SYT14: variants seen among roughly 807,000 people sequenced by gnomAD.
The protein encoded by SYT14 is synaptotagmin 14, also known as synaptotagmin-14.
SYT14 carries 32 observed loss-of-function variants against 74.2 expected under a neutral mutation model. The observed-to-expected ratio is 0.43, with a 90% CI of 0.33 to 0.58. SYT14 has a LOEUF of 0.58. SYT14 is among the 20% of genes least tolerant of loss of function. The pLI is 0.05. For synonymous variants in SYT14, 298 were observed against 337.7 expected (o/e 0.88, Z 1.29); for missense variants, 791 against 981.8 (o/e 0.81, Z 2.60).
intron 7 of SYT14, among the ~76,000 whole-genome samples, chr1:210,145,986 C>T (rs900658055): frequency 6.6e-6 from 1 of 152,194 alleles, no homozygotes; most frequent in African/African-American, 2.4e-5. Context: ...TACTTTTCTA[C>T]TGCTGAGTCT....
intron 5 of SYT14, among the ~76,000 whole-genome samples, chr1:210,079,474 G>GT (rs1384516590): frequency 4.6e-5 from 7 of 152,078 alleles, no homozygotes; most frequent in Admixed American, 4.6e-4. Context: ...CCCATAAAAC[G>GT]TAATAGTGAA....
rs1241701596 is a variant in SYT14 at position 210,129,794 on chromosome 1, A to T, written c.2035-25927A>T. Among the ~76,000 whole-genome samples, 3 of 152,146 alleles carry T rather than the reference A, an allele frequency of 2.0e-5. No homozygotes were observed. In the East Asian group the frequency reaches 5.8e-4, roughly 29 times the overall value. The stretch of plus-strand genomic sequence containing the variant: ...GGCTATGAGCTAAGTAAGCCCTGAA[A>T]ACGGTGATTCTCAATCTTAATTACA... On this transcript the variant is annotated intron_variant, in intron 7 of 9. Coordinates refer to ENST00000637265, the Ensembl canonical transcript of SYT14.
intron 5 of SYT14, among the ~76,000 whole-genome samples, chr1:210,072,298 C>T (rs1572250415): frequency 6.6e-6 from 1 of 151,900 alleles, no homozygotes; most frequent in Non-Finnish European, 1.5e-5. Flanking sequence ...TCCATGGTAA[C>T]TCCAAAGATA....
At chr1:210,039,976 TTCCTCAAGGATG>T (rs1280478806) in intron 5 of SYT14, among the ~76,000 whole-genome samples, 2 of 152,108 alleles carry the variant, frequency 1.3e-5, no homozygotes, top group African/African-American at 4.8e-5. Flanking sequence ...GTGTGGTGAT[TTCCTCAAGGATG>T]TAGAACCAGA....
chr1:210,117,430 G>A (rs569187236), intron 7 of SYT14, among the ~76,000 whole-genome samples: 1 of 152,158 alleles, frequency 6.6e-6, no homozygotes, highest in African/African-American at 2.4e-5. Flanking sequence ...TCTGAATGTA[G>A]ATTACTCTTC....
At chr1:209,948,530 A>G (rs2078858446) in intron 1 of SYT14, among the ~76,000 whole-genome samples, 6 of 152,220 alleles carry the variant, frequency 3.9e-5, no homozygotes, top group Admixed American at 3.9e-4. Context: ...TGCTGAGATG[A>G]TTATTTCAAA....
intron 1 of SYT14, among the ~76,000 whole-genome samples, chr1:209,951,763 A>G (rs1372478911): frequency 1.3e-5 from 2 of 152,208 alleles, no homozygotes; most frequent in Non-Finnish European, 2.9e-5. Flanking sequence ...ATATATGTGT[A>G]TATATGTATA....
chr1:210,086,173 A>G (rs2081725149), intron 5 of SYT14, among the ~76,000 whole-genome samples: 1 of 152,178 alleles, frequency 6.6e-6, no homozygotes, highest in Non-Finnish European at 1.5e-5. Context: ...ACTGCATTTT[A>G]TCAGGTGGGG....
At chr1:209,968,707 A>G (rs1353485579) in intron 2 of SYT14, among the ~76,000 whole-genome samples, 2 of 149,424 alleles carry the variant, frequency 1.3e-5, no homozygotes, top group African/African-American at 4.9e-5. Flanking sequence ...ATGTCTTTTC[A>G]TGGTTTAGTA....
chr1:210,007,097 A>G (rs1440233985), intron 2 of SYT14, among the ~76,000 whole-genome samples: 1 of 151,856 alleles, frequency 6.6e-6, no homozygotes, highest in African/African-American at 2.4e-5. Flanking sequence ...AATGAATTTT[A>G]CCACTGTTAC....
At chr1:209,979,660 T>C (rs2079444333) in intron 2 of SYT14, among the ~76,000 whole-genome samples, 1 of 152,162 alleles carries the variant, frequency 6.6e-6, no homozygotes, top group African/African-American at 2.4e-5. Flanking sequence ...TGGGTCCATA[T>C]GTTCTCATCA....
At chr1:210,169,990 T>A (rs1029699833) in exon 10 of SYT14, 3 of 152,036 alleles carry the variant, frequency 2.0e-5, no homozygotes, top group Admixed American at 2.0e-4. Context: ...TTCTTTCATT[T>A]TTTCAGGCAA....
intron 5 of SYT14, among the ~76,000 whole-genome samples, chr1:210,026,253 A>G (rs2080409103): frequency 6.6e-6 from 1 of 152,072 alleles, no homozygotes; most frequent in African/African-American, 2.4e-5. Flanking sequence ...AACCTCTCTT[A>G]TTTTTAAAAA....
At chr1:210,121,838 A>G (rs2102613033) in intron 7 of SYT14, among the ~76,000 whole-genome samples, 1 of 152,160 alleles carries the variant, frequency 6.6e-6, no homozygotes, top group Admixed American at 6.5e-5. Flanking sequence ...AGTAATTATT[A>G]AGATGACTGA....
At chr1:210,115,799 G>A (rs1463169484) in intron 7 of SYT14, among the ~76,000 whole-genome samples, 1 of 151,314 alleles carries the variant, frequency 6.6e-6, no homozygotes, top group Admixed American at 6.6e-5. Flanking sequence ...GAGGACAAGG[G>A]ATTGATCTCC....
At chr1:209,976,020 A>G (rs550903610) in intron 2 of SYT14, among the ~76,000 whole-genome samples, 1 of 151,922 alleles carries the variant, frequency 6.6e-6, no homozygotes, top group African/African-American at 2.4e-5. Flanking sequence ...TCTGATGGTA[A>G]TTTGTATTTC....
At chr1:210,147,866 G>A (rs1167621396) in intron 7 of SYT14, among the ~76,000 whole-genome samples, 1 of 151,962 alleles carries the variant, frequency 6.6e-6, no homozygotes, top group African/African-American at 2.4e-5. Flanking sequence ...AAGAGGTGAG[G>A]GAGTTAACCA....
At chr1:210,018,501 AC>A (rs1413625399) in intron 4 of SYT14, among the ~76,000 whole-genome samples, 1 of 152,192 alleles carries the variant, frequency 6.6e-6, no homozygotes, top group Non-Finnish European at 1.5e-5. Context: ...TGGTAGACTT[AC>A]TGCTTAAAGT....
intron 6 of SYT14, among the ~76,000 whole-genome samples, chr1:210,099,668 A>T (rs2082025875): frequency 6.6e-6 from 1 of 152,214 alleles, no homozygotes; most frequent in Non-Finnish European, 1.5e-5. Context: ...AATTGAAAGT[A>T]AAATGTAGTA....
Sources: allele counts gnomAD v4.1 joint callset (sites outside exome capture counted in the v4.1 genomes callset), GRCh38; gene constraint gnomAD v4.1.1; transcripts MANE v1.5; gene names NCBI Gene and HGNC (gene_info 2026-07-23, HGNC 2026-07-21).